Variants in GADL1 observed in about 807,000 individuals in gnomAD.
The protein encoded by GADL1 is GAD like acidic amino acid decarboxylase 1, also known as acidic amino acid decarboxylase GADL1.
Under a neutral mutation model 69.5 loss-of-function variants are expected in GADL1, and 71 were observed. The ratio of observed to expected loss-of-function variants is 1.02; its 90% confidence interval spans 0.84 to 1.25. The LOEUF (loss-of-function observed/expected upper bound fraction) is 1.25, where lower values mean the gene tolerates loss of function less well. Ranked by LOEUF, GADL1 falls within the 50% of genes most tolerant of loss-of-function variation. GADL1 has a pLI of 0.00. For synonymous variants in GADL1, 254 were observed against 214.4 expected (o/e 1.18, Z -1.62); for missense variants, 737 against 631.8 (o/e 1.17, Z -1.79).
At chr3:30,830,356 A>G (rs552622129) in intron 11 of GADL1, among the ~76,000 whole-genome samples, 1 of 152,112 alleles carries the variant, frequency 6.6e-6, no homozygotes, top group Non-Finnish European at 1.5e-5. Context: ...TTGTTTCACA[A>G]AAAATTTTGG....
chr3:30,816,859 C>T (rs1178797430), intron 11 of GADL1, among the ~76,000 whole-genome samples: 1 of 152,066 alleles, frequency 6.6e-6, no homozygotes, highest in Admixed American at 6.6e-5. Flanking sequence ...ATACTAATTT[C>T]TGACAGTTCA....
At chr3:30,834,125 C>T in intron 10 of GADL1, 92 bp downstream of exon 10, 1 of 1,125,426 alleles carries the variant, frequency 8.9e-7, no homozygotes, top group South Asian at 1.3e-5. Flanking sequence ...AAAACAATTA[C>T]TTTGTTTTTT....
At chr3:30,858,964 T>G (rs1452063485) in intron 2 of GADL1, among the ~76,000 whole-genome samples, 1 of 151,642 alleles carries the variant, frequency 6.6e-6, no homozygotes, top group African/African-American at 2.4e-5. Flanking sequence ...AAAGAATGCT[T>G]TAGGAAGGAG....
chr3:30,768,691 C>T (rs1169289549), intron 14 of GADL1, among the ~76,000 whole-genome samples: 1 of 151,934 alleles, frequency 6.6e-6, no homozygotes, highest in African/African-American at 2.4e-5. Flanking sequence ...ATGTGACTTC[C>T]TCTGAGATAA....
intron 11 of GADL1, among the ~76,000 whole-genome samples, chr3:30,831,995 T>C (rs202219659): frequency 6.7e-6 from 1 of 148,582 alleles, no homozygotes; most frequent in African/African-American, 2.4e-5. Context: ...TTCAATGCTA[T>C]AAGAGCCTAG....
intron 12 of GADL1, among the ~76,000 whole-genome samples, chr3:30,789,307 C>CT (rs915268477): frequency 6.6e-6 from 1 of 152,152 alleles, no homozygotes; most frequent in African/African-American, 2.4e-5. Flanking sequence ...TGAAAAGAAT[C>CT]TTTTTTTCTG....
intron 14 of GADL1, among the ~76,000 whole-genome samples, chr3:30,759,903 G>A (rs1044254402): frequency 1.3e-5 from 2 of 152,142 alleles, no homozygotes; most frequent in African/African-American, 4.8e-5. Flanking sequence ...AGGTGGACTT[G>A]TGCTCTATGC....
chr3:30,791,862 T>C (rs1490967759), intron 12 of GADL1, among the ~76,000 whole-genome samples: 1 of 152,138 alleles, frequency 6.6e-6, no homozygotes, highest in African/African-American at 2.4e-5. Context: ...TCTCAGGATC[T>C]GATGGTTTAA....
chr3:30,779,050 C>A (rs1696600555), intron 13 of GADL1: 1 of 152,184 alleles, frequency 6.6e-6, no homozygotes, highest in Non-Finnish European at 1.5e-5. Context: ...ATCTTCCCTG[C>A]CAGTCTGTTT....
intron 11 of GADL1, among the ~76,000 whole-genome samples, chr3:30,829,329 T>G (rs1379476612): frequency 6.6e-6 from 1 of 151,952 alleles, no homozygotes. Context: ...ACACAGGAAA[T>G]TAAAAATGCA....
intron 12 of GADL1, chr3:30,798,045 T>G (rs1016973883): frequency 2.0e-5 from 3 of 152,190 alleles, no homozygotes; most frequent in African/African-American, 7.2e-5. Context: ...ACAATTTTAT[T>G]TCTAATGTTT....
At chr3:30,887,989 T>C (rs1419344608) in intron 1 of GADL1, among the ~76,000 whole-genome samples, 7 of 152,208 alleles carry the variant, frequency 4.6e-5, no homozygotes, top group Non-Finnish European at 1.0e-4. Flanking sequence ...AAGGGTATAA[T>C]ATTTGCATAT....
At chr3:30,796,689 CAG>C (rs772874307) in intron 12 of GADL1, among the ~76,000 whole-genome samples, 17 of 152,178 alleles carry the variant, frequency 1.1e-4, no homozygotes, top group African/African-American at 3.1e-4. Flanking sequence ...CTGAAAGATG[CAG>C]AGAGACTGAG....
intron 10 of GADL1, 136 bp from the exon 11 acceptor site, chr3:30,834,070 G>T: frequency 2.2e-6 from 2 of 907,496 alleles, no homozygotes; most frequent in Non-Finnish European, 3.5e-6. Flanking sequence ...TTATCTGAGT[G>T]GTTTAAGGAA....
chr3:30,770,307 G>A (rs569270031), intron 14 of GADL1, among the ~76,000 whole-genome samples: 17 of 152,264 alleles, frequency 1.1e-4, no homozygotes, highest in African/African-American at 3.9e-4. Context: ...GCCTTTCCTC[G>A]ATGTTCACTC....
intron 14 of GADL1, among the ~76,000 whole-genome samples, chr3:30,753,733 GAA>G (rs1450167206): frequency 1.3e-5 from 2 of 150,822 alleles, no homozygotes; most frequent in Non-Finnish European, 1.5e-5. Context: ...TACAATAAAT[GAA>G]AACTTAATTT....
At chr3:30,874,651 C>T (rs533078594) in intron 1 of GADL1, among the ~76,000 whole-genome samples, 1 of 152,046 alleles carries the variant, frequency 6.6e-6, no homozygotes. Flanking sequence ...ATCTACATTC[C>T]ACCACTCGTA....
chr3:30,743,803 CTG>C (rs1559484707), intron 14 of GADL1, among the ~76,000 whole-genome samples: 1 of 152,182 alleles, frequency 6.6e-6, no homozygotes, highest in Non-Finnish European at 1.5e-5. Flanking sequence ...CACACAGGGC[CTG>C]CTGTAGGAGG....
intron 1 of GADL1, among the ~76,000 whole-genome samples, chr3:30,864,900 C>T (rs1698375328): frequency 6.6e-6 from 1 of 151,972 alleles, no homozygotes; most frequent in Admixed American, 6.6e-5. Flanking sequence ...TCGCCCTTTC[C>T]CCTCATTTTC....
Sources: gnomAD v4.1 joint callset for allele counts (sites outside exome capture counted in the v4.1 genomes callset) on GRCh38, gnomAD v4.1.1 for gene constraint, MANE v1.5 for transcripts, NCBI Gene and HGNC (gene_info 2026-07-23, HGNC 2026-07-21) for gene names.